QTMAN: variants seen among roughly 807,000 people sequenced by gnomAD.
QTMAN encodes tRNA-queuosine alpha-mannosyltransferase.
At chr2:144,306,977 T>C in the QTMAN span, among the ~76,000 whole-genome samples, 1 of 151,394 alleles carries the variant, frequency 6.6e-6, no homozygotes, top group Non-Finnish European at 1.5e-5. Context: ...CTGACCAACA[T>C]GGTGAAACCC....
At chr2:144,235,285 G>A in the QTMAN span, among the ~76,000 whole-genome samples, 2 of 152,126 alleles carry the variant, frequency 1.3e-5, no homozygotes, top group African/African-American at 4.8e-5. Flanking sequence ...CATAAAACGA[G>A]GGGAAAATCT....
the QTMAN span, among the ~76,000 whole-genome samples, chr2:144,204,689 C>T: frequency 6.6e-6 from 1 of 152,090 alleles, no homozygotes; most frequent in African/African-American, 2.4e-5. Flanking sequence ...AAGACACATG[C>T]ACACGTATGT....
the QTMAN span, among the ~76,000 whole-genome samples, chr2:144,203,197 G>C: frequency 1.3e-5 from 2 of 150,898 alleles, no homozygotes; most frequent in African/African-American, 2.4e-5. Flanking sequence ...GTGTGCACGT[G>C]CGCACGCACA....
the QTMAN span, among the ~76,000 whole-genome samples, chr2:144,092,215 A>G: frequency 4.7e-5 from 7 of 150,436 alleles, no homozygotes; most frequent in African/African-American, 1.5e-4. Flanking sequence ...TTACTCTGTC[A>G]CCCAGGCTGG....
chr2:143,949,242 G>A, the QTMAN span, among the ~76,000 whole-genome samples: 1 of 151,894 alleles, frequency 6.6e-6, no homozygotes, highest in Non-Finnish European at 1.5e-5. Context: ...AGTGTTCTGC[G>A]ATAGAAGGAG....
chr2:144,134,287 T>G, the QTMAN span, among the ~76,000 whole-genome samples: 2 of 152,178 alleles, frequency 1.3e-5, no homozygotes, highest in African/African-American at 4.8e-5. Flanking sequence ...TCACACTGTT[T>G]TTAAAATTCC....
the QTMAN span, among the ~76,000 whole-genome samples, chr2:144,068,190 G>A: frequency 1 from 151,677 of 152,358 alleles, 75,504 homozygotes; most frequent in East Asian, 1. Context: ...CTTCAAGTAT[G>A]TATGACAGGC....
chr2:144,076,415 G>A, the QTMAN span, among the ~76,000 whole-genome samples: 4 of 152,130 alleles, frequency 2.6e-5, no homozygotes, highest in African/African-American at 7.2e-5. Flanking sequence ...GGGTCACTTA[G>A]AAATAAACTT....
chr2:144,296,058 A>T, the QTMAN span, among the ~76,000 whole-genome samples: 2 of 152,250 alleles, frequency 1.3e-5, no homozygotes, highest in Non-Finnish European at 2.9e-5. Context: ...TTAAGCTGAA[A>T]GAATATATTG....
At chr2:144,191,019 G>C in the QTMAN span, among the ~76,000 whole-genome samples, 2 of 152,132 alleles carry the variant, frequency 1.3e-5, no homozygotes, top group East Asian at 3.8e-4. Context: ...CGTGTCTAAT[G>C]AAACCATTTT....
chr2:144,241,136 T>C, the QTMAN span, among the ~76,000 whole-genome samples: 1 of 152,170 alleles, frequency 6.6e-6, no homozygotes, highest in African/African-American at 2.4e-5. Context: ...CCTGGACCAG[T>C]AGCAGCAGCA....
chr2:143,967,830 A>T, the QTMAN span, among the ~76,000 whole-genome samples: 1 of 152,218 alleles, frequency 6.6e-6, no homozygotes, highest in Non-Finnish European at 1.5e-5. Flanking sequence ...TGGCTAAAGC[A>T]CTACCTAGCT....
chr2:144,048,873 T>C, the QTMAN span, among the ~76,000 whole-genome samples: 2 of 152,012 alleles, frequency 1.3e-5, no homozygotes, highest in South Asian at 4.2e-4. Context: ...CATTTTCACA[T>C]AGGAACATCT....
the QTMAN span, among the ~76,000 whole-genome samples, chr2:144,265,889 A>C: frequency 1.3e-5 from 2 of 152,078 alleles, no homozygotes; most frequent in Non-Finnish European, 2.9e-5. Context: ...CTCAAATCAG[A>C]GTGGAGAATC....
At chr2:144,226,403 T>C in the QTMAN span, among the ~76,000 whole-genome samples, 1 of 152,200 alleles carries the variant, frequency 6.6e-6, no homozygotes, top group Non-Finnish European at 1.5e-5. Context: ...TGCAAAGTGT[T>C]GACCTTCATT....
chr2:144,258,274 G>A, the QTMAN span, among the ~76,000 whole-genome samples: 1 of 147,908 alleles, frequency 6.8e-6, no homozygotes, highest in African/African-American at 2.5e-5. Context: ...GGAAAAAAAA[G>A]GAAAGATATA....
the QTMAN span, among the ~76,000 whole-genome samples, chr2:144,146,873 A>G: frequency 6.6e-6 from 1 of 151,908 alleles, no homozygotes; most frequent in Non-Finnish European, 1.5e-5. Flanking sequence ...TCACACTGGT[A>G]GAAAGTTGCA....
chr2:144,042,366 G>A, the QTMAN span, among the ~76,000 whole-genome samples: 4 of 152,070 alleles, frequency 2.6e-5, no homozygotes, highest in South Asian at 2.1e-4. Context: ...AACTAGTAGC[G>A]TCACTGACAG....
chr2:144,283,278 T>A, the QTMAN span, among the ~76,000 whole-genome samples: 1 of 152,050 alleles, frequency 6.6e-6, no homozygotes, highest in South Asian at 2.1e-4. Context: ...TCTGTCACTA[T>A]CTCCAGGCAG....
Sources: allele counts gnomAD v4.1 joint callset (sites outside exome capture counted in the v4.1 genomes callset), GRCh38; gene constraint gnomAD v4.1.1; transcripts MANE v1.5; gene names NCBI Gene and HGNC (gene_info 2026-07-23, HGNC 2026-07-21).